The following CFAP77 variants were observed in gnomAD, a reference collection of about 807,000 sequenced individuals.
CFAP77 encodes cilia and flagella associated protein 77, also known as cilia- and flagella-associated protein 77.
A neutral mutation model predicts 31.1 loss-of-function variants in CFAP77; 25 were observed. That is an observed-to-expected ratio of 0.80 (90% CI 0.59 to 1.12). CFAP77 has a LOEUF of 1.12. Among genes scored for constraint, CFAP77 ranks in the 50% most tolerant of loss-of-function variants. CFAP77 has a pLI of 0.00. For missense variants in CFAP77, 377 were observed against 397.3 expected (o/e 0.95, Z 0.44); for synonymous variants, 151 against 159.9 (o/e 0.94, Z 0.42).
At chr9:132,550,704 C>G (rs773317362) in intron 5 of CFAP77, among the ~76,000 whole-genome samples, 27 of 151,570 alleles carry the variant, frequency 1.8e-4, no homozygotes, top group South Asian at 6.3e-4. Context: ...TTTGTAGAAA[C>G]AGGGTCTCAC....
chr9:132,496,286 C>G (rs1473935930), intron 1 of CFAP77, among the ~76,000 whole-genome samples: 1 of 152,176 alleles, frequency 6.6e-6, no homozygotes, highest in African/African-American at 2.4e-5. Context: ...AGACATTAAA[C>G]TGATCATTAT....
rs1276992298 is a variant in CFAP77 at position 132,481,399 on chromosome 9, C to A, written c.196-17296C>A. On this transcript the variant is annotated intron_variant, in intron 1 of 5. Transcript: ENST00000393216. The surrounding 1 kb of genome is among the most constrained non-coding windows in gnomAD (Gnocchi z 5.0). ...CACTAAAGCTTGTGTATTCCTATTT[C>A]TTTTCCCTTTGACTAGCCGCCTAAT... Among the ~76,000 whole-genome samples, 1 of 152,198 alleles carries A rather than the reference C, an allele frequency of 6.6e-6. No individual in the cohort carries two copies. Among genetic ancestry groups the A allele is most frequent in the Non-Finnish European group, 1.5e-5 (1 of 68,036 alleles).
chr9:132,439,934 A>G lies in CFAP77; in HGVS notation c.195+29468A>G, dbSNP rs1051470198. On this transcript the variant is annotated intron_variant, in intron 1 of 5. Coordinates refer to ENST00000393216, the MANE Select transcript of CFAP77 (RefSeq NM_001282957.2). ...TATTCCTCGATCCTATGGTGCGGTG[A>G]TGTAGATCACCACTCAGGGAGGAAT... 1.8e-4 allele frequency among the ~76,000 whole-genome samples: 28 copies of G among 151,566 alleles called. 1 individual carries two copies. The highest frequency in any genetic ancestry group is 5.3e-4 in the Admixed American group (8 of 15,222).
intron 3 of CFAP77, among the ~76,000 whole-genome samples, chr9:132,537,293 A>G (rs1407426160): frequency 6.6e-6 from 1 of 152,146 alleles, no homozygotes; most frequent in Non-Finnish European, 1.5e-5. Context: ...ACTCTTGGCT[A>G]CAACTGGCTT....
chr9:132,430,322 G>A (rs1850392056), intron 1 of CFAP77, among the ~76,000 whole-genome samples: 1 of 152,070 alleles, frequency 6.6e-6, no homozygotes, highest in East Asian at 1.9e-4. Flanking sequence ...AATAGGTTCA[G>A]TCCTCTGTTT....
At chr9:132,509,947 C>T (rs74612185) in intron 3 of CFAP77, among the ~76,000 whole-genome samples, 7,351 of 152,288 alleles carry the variant, frequency 0.048, 246 homozygotes, top group Middle Eastern at 0.068. Context: ...GCTCCTTCCT[C>T]CTTCATGGGA....
intron 1 of CFAP77, among the ~76,000 whole-genome samples, chr9:132,414,142 A>G (rs1850057861): frequency 6.6e-6 from 1 of 152,246 alleles, no homozygotes; most frequent in South Asian, 2.1e-4. Context: ...TGGTGACATC[A>G]TGTATAGCAG....
At chr9:132,515,099 G>T (rs562077717) in intron 3 of CFAP77, among the ~76,000 whole-genome samples, 83 of 152,318 alleles carry the variant, frequency 5.4e-4, no homozygotes, top group African/African-American at 2.0e-3. Flanking sequence ...CCACTTGGCG[G>T]GGGTGGGGGA....
intron 1 of CFAP77, among the ~76,000 whole-genome samples, chr9:132,444,701 G>A (rs1483853479): frequency 2.0e-5 from 3 of 152,124 alleles, no homozygotes; most frequent in Non-Finnish European, 4.4e-5. Flanking sequence ...ACTGACTTTT[G>A]CAGGTTATTG....
In CFAP77 at chr9:132,512,717, C is replaced by T. The variant is rs186403734; in HGVS notation, c.524+13117C>T. Among the ~76,000 whole-genome samples the T allele has an allele frequency of 9.3e-4, 142 of 152,286 alleles. 1 individual carries two copies. Among genetic ancestry groups the T allele is most frequent in the African/African-American group, 3.3e-3 (139 of 41,564 alleles). On this transcript the variant is annotated intron_variant, in intron 3 of 5. Transcript: ENST00000393216. ...ATCCCAGCACTTTGGGAGGCCGAGG[C>T]GGGCAGATCACCTAAGGTCAGGAGT...
chr9:132,432,532 CCT>C (rs1491411245), intron 1 of CFAP77, among the ~76,000 whole-genome samples: 1 of 115,860 alleles, frequency 8.6e-6, no homozygotes, highest in African/African-American at 3.9e-5. Flanking sequence ...GTCCTTGGTT[CCT>C]TTTTTTTTTT....
In CFAP77 at chr9:132,499,549, A is replaced by T. The variant is rs765283105; in HGVS notation, c.473A>T (p.Lys158Met). ...RISDQDDRRM[K>M]KEPPPLPPNM... ...AGTGACCAGGATGACCGGCGCATGA[A>T]GAAAGAGCCGCCCCCTCTCCCTCCA... Residue 158 changes from lysine (K) to methionine (M), a missense_variant, in exon 3 of 6, where the codon AAG becomes ATG. Lys to Met is a moderately conservative substitution (Grantham distance 95). Coordinates refer to ENST00000393216, the MANE Select transcript of CFAP77 (RefSeq NM_001282957.2). The surrounding 1 kb of genome is among the most constrained non-coding windows in gnomAD (Gnocchi z 5.4). The T allele has an allele frequency of 5.0e-6, 8 of 1,614,212 alleles. No homozygotes were observed. The South Asian group carries it at 8.8e-5, about 18-fold the overall frequency.
rs1851769703 is a variant in CFAP77 at position 132,497,852 on chromosome 9, A to C, written c.196-843A>C. 6.6e-6 allele frequency among the ~76,000 whole-genome samples: 1 copy of C among 152,144 alleles called. No individual in the cohort carries two copies. The highest frequency in any genetic ancestry group is 2.1e-4 in the South Asian group (1 of 4,828). ...TGCGATGGGGTTCGAAGCACTGTGC[A>C]GGACAGGGTCTCTGACCTCGAGGAG... On this transcript the variant is annotated intron_variant, in intron 1 of 5. Transcript: ENST00000393216. The surrounding 1 kb of genome is among the most constrained non-coding windows in gnomAD (Gnocchi z 4.9).
At chr9:132,500,240 G>A (rs546814649) in intron 3 of CFAP77, among the ~76,000 whole-genome samples, 9 of 152,034 alleles carry the variant, frequency 5.9e-5, no homozygotes, top group African/African-American at 1.4e-4. Flanking sequence ...CACCACCCCC[G>A]GGAAGCCAGG....
At chr9:132,482,266 T>C in intron 1 of CFAP77, 1 of 1,455,084 alleles carries the variant, frequency 6.9e-7, no homozygotes, top group Non-Finnish European at 9.6e-7. Flanking sequence ...CCTTGACAGC[T>C]AAACTGACCA....
intron 5 of CFAP77, among the ~76,000 whole-genome samples, chr9:132,561,655 ACACACACC>A (rs1372087715): frequency 0.046 from 3,908 of 85,144 alleles, 154 homozygotes; most frequent in African/African-American, 0.078. Flanking sequence ...ACACACACAC[ACACACACC>A]CCCTCCATGT....
chr9:132,522,751 G>T (rs1852289826), intron 3 of CFAP77, among the ~76,000 whole-genome samples: 1 of 152,194 alleles, frequency 6.6e-6, no homozygotes, highest in Non-Finnish European at 1.5e-5. Flanking sequence ...CTCCAGGAAG[G>T]CAGGATCACC....
At chr9:132,412,733 T>C (rs1402653625) in intron 1 of CFAP77, among the ~76,000 whole-genome samples, 1 of 152,208 alleles carries the variant, frequency 6.6e-6, no homozygotes, top group South Asian at 2.1e-4. Context: ...AACAGCTTCC[T>C]ATATTAGTTT....
rs953109250 is a variant in CFAP77 at position 132,425,577 on chromosome 9, G to GT, written c.195+15117dup. ...GGTGCAGTCTGGGTTTCTTGCTTGT[G>GT]TTTTTTCCCCCCCGAAATTGCAGTT... On this transcript the variant is annotated intron_variant, in intron 1 of 5. Transcript: ENST00000393216. Among the ~76,000 whole-genome samples, 4 of 152,210 alleles carry GT rather than the reference G, an allele frequency of 2.6e-5. No homozygotes were observed. In the East Asian group the frequency reaches 5.8e-4, roughly 22 times the overall value.
Sources: allele counts gnomAD v4.1 joint callset (sites outside exome capture counted in the v4.1 genomes callset), GRCh38; gene constraint gnomAD v4.1.1; non-coding constraint Gnocchi (gnomAD v3.1); transcripts MANE v1.5; gene names NCBI Gene and HGNC (gene_info 2026-07-23, HGNC 2026-07-21).